Variants in ITPRID1 observed in about 807,000 individuals in gnomAD.
ITPRID1 encodes the protein ITPR interacting domain containing 1.
In ITPRID1, 96 loss-of-function variants were observed where a neutral mutation model predicts 95.4. The observed-to-expected ratio is 1.01, with a 90% CI of 0.85 to 1.19. The LOEUF (loss-of-function observed/expected upper bound fraction) is 1.19. Ranked by LOEUF, ITPRID1 falls within the 50% of genes most tolerant of loss-of-function variation. ITPRID1 has a pLI of 0.00. For synonymous variants in ITPRID1, 510 were observed against 453.6 expected (o/e 1.12, Z -1.58); for missense variants, 1,339 against 1,252.9 (o/e 1.07, Z -1.04).
chr7:31,521,177 ATCTT>A (rs1023990834), intron 1 of ITPRID1, among the ~76,000 whole-genome samples: 3 of 151,644 alleles, frequency 2.0e-5, no homozygotes, highest in Non-Finnish European at 4.4e-5. Context: ...TAGACTGTAG[ATCTT>A]TCTTCTTTTC....
At chr7:31,632,680 G>T (rs928840377) in intron 10 of ITPRID1, among the ~76,000 whole-genome samples, 1 of 152,074 alleles carries the variant, frequency 6.6e-6, no homozygotes, top group Non-Finnish European at 1.5e-5. Context: ...AAATCTAGCA[G>T]CAGGAAAAGA....
intron 10 of ITPRID1, among the ~76,000 whole-genome samples, chr7:31,620,228 C>G (rs1021355957): frequency 4.6e-5 from 7 of 152,134 alleles, no homozygotes; most frequent in Non-Finnish European, 1.0e-4. Context: ...ACTTAAATGT[C>G]CCTGTCTGAC....
chr7:31,627,094 C>T (rs1410943462), intron 10 of ITPRID1, among the ~76,000 whole-genome samples: 1 of 152,134 alleles, frequency 6.6e-6, no homozygotes, highest in East Asian at 1.9e-4. Flanking sequence ...TAGTGTTTTC[C>T]ATTACCATCT....
chr7:31,538,213 T>C (rs1280688293), intron 1 of ITPRID1, among the ~76,000 whole-genome samples: 1 of 149,674 alleles, frequency 6.7e-6, no homozygotes, highest in East Asian at 2.0e-4. Flanking sequence ...ACATTTTACT[T>C]CCCCTGCTTT....
chr7:31,537,496 T>A (rs1235039228), intron 1 of ITPRID1, among the ~76,000 whole-genome samples: 7 of 152,286 alleles, frequency 4.6e-5, no homozygotes, highest in Middle Eastern at 3.4e-3. Flanking sequence ...ATGATTTTTT[T>A]AAAAGTTAGC....
intron 10 of ITPRID1, among the ~76,000 whole-genome samples, chr7:31,620,074 C>G (rs529280973): frequency 1.3e-5 from 2 of 152,318 alleles, no homozygotes; most frequent in South Asian, 4.1e-4. Flanking sequence ...CGCCATTACC[C>G]AGGCTTGATT....
intron 1 of ITPRID1, among the ~76,000 whole-genome samples, chr7:31,535,665 T>A (rs538521111): frequency 1.3e-5 from 2 of 152,212 alleles, no homozygotes; most frequent in South Asian, 4.1e-4. Flanking sequence ...GAAGATGGAT[T>A]CTTTTAGCAT....
rs552873501 is a variant in ITPRID1, at chr7:31,554,379, T to C, written c.164-96T>C. On this transcript the variant is annotated intron_variant, in intron 3 of 14. Transcript: ENST00000615280. ...GGAAGGAAACATGTGACTAAATATG[T>C]GGGAAATAGTGACTGAGTGGCGGCT... The C allele has an allele frequency of 3.4e-6, 5 of 1,487,720 alleles. No homozygotes were observed. In the African/African-American group the frequency reaches 7.0e-5, roughly 21 times the overall value. The allele number at this position is 1,487,720 out of a possible 1,614,324, so 92.2% of individuals were successfully genotyped here. A position where few individuals can be genotyped will look rare whatever the true frequency, so the allele number is the denominator to read the frequency against.
intron 5 of ITPRID1, among the ~76,000 whole-genome samples, chr7:31,569,535 T>G (rs1249282986): frequency 2.0e-5 from 3 of 152,260 alleles, no homozygotes; most frequent in Non-Finnish European, 4.4e-5. Context: ...CATTTAGCAC[T>G]GACTTCCCTC....
At chr7:31,599,676 C>G (rs1357915154) in intron 10 of ITPRID1, among the ~76,000 whole-genome samples, 1 of 143,080 alleles carries the variant, frequency 7.0e-6, no homozygotes, top group South Asian at 2.2e-4. Flanking sequence ...CTCTCTCTCT[C>G]TCTCTCTCTC....
Position 31,642,812 on chromosome 7 carries a change from C to G in ITPRID1, c.1442C>G (p.Ala481Gly), listed in dbSNP as rs138066602. 1.2e-6 allele frequency: 2 copies of G among 1,613,796 alleles called. No homozygotes were observed. The highest frequency in any genetic ancestry group is 2.2e-5 in the East Asian group (1 of 44,850). Residue 481 changes from alanine to glycine, a missense_variant, in exon 12 of 15, where the codon GCG (alanine) becomes GGG (glycine). Coordinates refer to ENST00000615280, the MANE Select transcript of ITPRID1 (RefSeq NM_001257967.3). ...GATGGGCCAGATTCCAAAAGTAGGGCGAGCATGTCTTTTTCAAGCCAAGAA... is the reference window on the plus strand; with the variant it reads ...GATGGGCCAGATTCCAAAAGTAGGGGGAGCATGTCTTTTTCAAGCCAAGAA... ...ESDGPDSKSR[A>G]SMSFSSQEAN...
At chr7:31,525,920 C>T (rs557525545) in intron 1 of ITPRID1, among the ~76,000 whole-genome samples, 12 of 152,106 alleles carry the variant, frequency 7.9e-5, no homozygotes, top group East Asian at 3.9e-4. Context: ...TACTGTACAT[C>T]GAGATTGTGT....
At chr7:31,637,423 G>A (rs1456005618) in intron 10 of ITPRID1, among the ~76,000 whole-genome samples, 3 of 152,110 alleles carry the variant, frequency 2.0e-5, no homozygotes, top group East Asian at 1.9e-4. Flanking sequence ...TTTAATGATC[G>A]CCAGTCTAAC....
intron 5 of ITPRID1, among the ~76,000 whole-genome samples, chr7:31,566,675 G>C (rs775932621): frequency 7.9e-5 from 12 of 152,178 alleles, no homozygotes; most frequent in Non-Finnish European, 1.5e-4. Context: ...GTGGCATCAA[G>C]TTATTACAAT....
intron 6 of ITPRID1, among the ~76,000 whole-genome samples, chr7:31,570,996 G>T (rs1308509083): frequency 6.6e-6 from 1 of 151,058 alleles, no homozygotes; most frequent in East Asian, 2.0e-4. Flanking sequence ...CAGAACAGAA[G>T]CAATTAAAGG....
At chr7:31,616,256 A>AGTT (rs1261550014) in intron 10 of ITPRID1, among the ~76,000 whole-genome samples, 1 of 152,064 alleles carries the variant, frequency 6.6e-6, no homozygotes, top group African/African-American at 2.4e-5. Context: ...TTTAAATGTA[A>AGTT]GTTATTGCTA....
chr7:31,658,297 C>G, downstream of ITPRID1: 1 of 1,498,752 alleles, frequency 6.7e-7, no homozygotes, highest in Non-Finnish European at 8.8e-7. Context: ...AGAGCTGGAT[C>G]CCTTTTTTTT....
intron 1 of ITPRID1, among the ~76,000 whole-genome samples, chr7:31,545,541 T>G (rs1784069724): frequency 6.6e-6 from 1 of 152,118 alleles, no homozygotes; most frequent in African/African-American, 2.4e-5. Context: ...TTGAAGTCAT[T>G]TCAAGTTTCC....
At chr7:31,639,748 G>C (rs1232626953) in intron 10 of ITPRID1, among the ~76,000 whole-genome samples, 1 of 151,922 alleles carries the variant, frequency 6.6e-6, no homozygotes, top group South Asian at 2.1e-4. Flanking sequence ...GTGTTAGCCA[G>C]GCTCGTCTTG....
Sources: allele counts gnomAD v4.1 joint callset (sites outside exome capture counted in the v4.1 genomes callset), GRCh38; gene constraint gnomAD v4.1.1; transcripts MANE v1.5; gene names NCBI Gene and HGNC (gene_info 2026-07-23, HGNC 2026-07-21).